Variants in OR2L13 observed in about 807,000 individuals in gnomAD.
OR2L13 encodes olfactory receptor family 2 subfamily L member 13, also known as olfactory receptor 2L13.
In OR2L13, 14 loss-of-function variants were observed where a neutral mutation model predicts 15.3. That is an observed-to-expected ratio of 0.91 (90% CI 0.60 to 1.43). OR2L13 has a LOEUF of 1.43. Among genes scored for constraint, OR2L13 ranks in the 40% most tolerant of loss-of-function variants. The pLI, the probability that OR2L13 is intolerant of heterozygous loss-of-function variation, is 0.00. For synonymous variants in OR2L13, 152 were observed against 142.9 expected, an observed-to-expected ratio of 1.06 and a Z score of -0.45; for missense variants, 367 against 387.9, an observed-to-expected ratio of 0.95 and a Z score of 0.45.
At chr1:247,958,213 C>G in the OR2L13 span, among the ~76,000 whole-genome samples, 5,757 of 152,248 alleles carry the variant, frequency 0.038, 124 homozygotes, top group African/African-American at 0.06. Flanking sequence ...AGTAGTCATT[C>G]AGGAGCAGGA....
chr1:247,979,909 T>G, the OR2L13 span, among the ~76,000 whole-genome samples: 1 of 152,146 alleles, frequency 6.6e-6, no homozygotes, highest in Non-Finnish European at 1.5e-5. Context: ...TTTCAGGAAA[T>G]TTTCTTTGCT....
At chr1:247,985,857 A>C in the OR2L13 span, among the ~76,000 whole-genome samples, 1 of 151,290 alleles carries the variant, frequency 6.6e-6, no homozygotes. Flanking sequence ...TCTCTGATGG[A>C]CAGTGATGAT....
the OR2L13 span, among the ~76,000 whole-genome samples, chr1:248,079,244 AG>A: frequency 2.0e-5 from 2 of 98,898 alleles, no homozygotes; most frequent in Non-Finnish European, 4.9e-5. Context: ...AGCTGGGTGA[AG>A]GGTATACAGA....
At chr1:248,096,600 A>C (rs1038669583), upstream of OR2L13, among the ~76,000 whole-genome samples, 1 of 152,220 alleles carries the variant, frequency 6.6e-6, no homozygotes, top group African/African-American at 2.4e-5. Flanking sequence ...AGAACTGTGA[A>C]TTCTCTTTAT....
the OR2L13 span, among the ~76,000 whole-genome samples, chr1:248,008,079 C>A: frequency 6.6e-6 from 1 of 152,132 alleles, no homozygotes; most frequent in Non-Finnish European, 1.5e-5. Flanking sequence ...TATAAAGATT[C>A]CTCCAGGACT....
At chr1:248,027,018 T>A in the OR2L13 span, among the ~76,000 whole-genome samples, 121 of 152,288 alleles carry the variant, frequency 7.9e-4, no homozygotes, top group African/African-American at 2.9e-3. Context: ...GCCTGTGAGC[T>A]GGGTGGAACA....
chr1:248,075,255 C>T, the OR2L13 span, among the ~76,000 whole-genome samples: 4 of 152,160 alleles, frequency 2.6e-5, no homozygotes, highest in African/African-American at 9.7e-5. Flanking sequence ...GCCACATTTT[C>T]TTAATGCAGT....
chr1:247,959,480 A>G, the OR2L13 span, among the ~76,000 whole-genome samples: 3 of 152,032 alleles, frequency 2.0e-5, no homozygotes, highest in East Asian at 1.9e-4. Context: ...CTGAATTTGA[A>G]TGTTGGCCTG....
the OR2L13 span, among the ~76,000 whole-genome samples, chr1:248,005,264 C>T: frequency 3.9e-5 from 6 of 152,104 alleles, no homozygotes; most frequent in African/African-American, 1.2e-4. Context: ...GATCATTACA[C>T]ATTGTATGCC....
the OR2L13 span, among the ~76,000 whole-genome samples, chr1:248,016,154 G>A: frequency 1.3e-5 from 2 of 152,154 alleles, no homozygotes; most frequent in East Asian, 1.9e-4. Flanking sequence ...CTAAATTGAA[G>A]GATAGGAAAA....
At chr1:248,001,171 T>C in the OR2L13 span, among the ~76,000 whole-genome samples, 1 of 152,166 alleles carries the variant, frequency 6.6e-6, no homozygotes, top group Admixed American at 6.5e-5. Flanking sequence ...TCTCTGAATC[T>C]CAGTTTCATC....
the OR2L13 span, among the ~76,000 whole-genome samples, chr1:247,980,180 G>C: frequency 4.6e-5 from 7 of 152,126 alleles, no homozygotes; most frequent in African/African-American, 1.7e-4. Flanking sequence ...ACCCTAGATA[G>C]TATTATACCA....
the OR2L13 span, among the ~76,000 whole-genome samples, chr1:247,966,928 T>A: frequency 6.6e-6 from 1 of 152,078 alleles, no homozygotes; most frequent in Admixed American, 6.6e-5. Context: ...GAAGGGAAAA[T>A]CATGACAGGT....
chr1:247,967,657 C>A, the OR2L13 span, among the ~76,000 whole-genome samples: 9 of 151,944 alleles, frequency 5.9e-5, no homozygotes, highest in Admixed American at 2.0e-4. Context: ...TCCAGAAATA[C>A]CAGCTTTTGA....
At chr1:248,009,578 G>A in the OR2L13 span, among the ~76,000 whole-genome samples, 3 of 152,020 alleles carry the variant, frequency 2.0e-5, no homozygotes, top group African/African-American at 4.8e-5. Context: ...ATTCACAGCC[G>A]AATTCTACCA....
chr1:247,938,728 G>C, the OR2L13 span, among the ~76,000 whole-genome samples: 1 of 152,144 alleles, frequency 6.6e-6, no homozygotes, highest in Non-Finnish European at 1.5e-5. Context: ...GGTTCAATCA[G>C]TGTGGGATTG....
At chr1:247,989,842 T>G in the OR2L13 span, among the ~76,000 whole-genome samples, 1 of 152,132 alleles carries the variant, frequency 6.6e-6, no homozygotes, top group Non-Finnish European at 1.5e-5. Context: ...TTTAAATTTG[T>G]TTTCAGTCAT....
At chr1:248,002,549 A>C in the OR2L13 span, among the ~76,000 whole-genome samples, 1 of 152,146 alleles carries the variant, frequency 6.6e-6, no homozygotes, top group Non-Finnish European at 1.5e-5. Context: ...ATGTGTCAAA[A>C]TTTCTTCGCT....
the OR2L13 span, among the ~76,000 whole-genome samples, chr1:248,053,363 A>G: frequency 6.6e-6 from 1 of 152,154 alleles, no homozygotes; most frequent in Non-Finnish European, 1.5e-5. Context: ...ATTAATGGAC[A>G]TTTGGGTTGA....
Sources: allele counts gnomAD v4.1 joint callset (sites outside exome capture counted in the v4.1 genomes callset), GRCh38; gene constraint gnomAD v4.1.1; transcripts MANE v1.5; gene names NCBI Gene and HGNC (gene_info 2026-07-23, HGNC 2026-07-21).